The following HCN1 variants were observed in gnomAD, a reference collection of about 807,000 sequenced individuals.
The protein encoded by HCN1 is hyperpolarization activated cyclic nucleotide gated potassium channel 1, also known as potassium/sodium hyperpolarization-activated cyclic nucleotide-gated channel 1.
In HCN1, 13 loss-of-function variants were observed where a neutral mutation model predicts 78.9. The ratio of observed to expected loss-of-function variants is 0.16; its 90% CI spans 0.11 to 0.26. The LOEUF is 0.26. HCN1 is among the 10% of genes least tolerant of loss of function. The pLI, the probability that HCN1 is intolerant of heterozygous loss-of-function variation, is 1.00. For missense variants in HCN1, 810 were observed against 1,154.3 expected (o/e 0.70, Z 4.32); for synonymous variants, 552 against 455.5 (o/e 1.21, Z -2.70).
intron 7 of HCN1, among the ~76,000 whole-genome samples, chr5:45,265,146 C>A (rs1744832190): frequency 6.6e-6 from 1 of 151,298 alleles, no homozygotes; most frequent in Admixed American, 6.6e-5. Flanking sequence ...GCCGAGATCA[C>A]ACCACTGCAC....
chr5:45,527,399 G>T (rs1049388025), intron 2 of HCN1, among the ~76,000 whole-genome samples: 2 of 143,162 alleles, frequency 1.4e-5, no homozygotes, highest in Admixed American at 7.1e-5. Context: ...CCACACAGAG[G>T]TATGCTCCAT....
intron 3 of HCN1, among the ~76,000 whole-genome samples, chr5:45,423,392 C>CT (rs1740267493): frequency 1.3e-5 from 2 of 152,120 alleles, no homozygotes; most frequent in Admixed American, 6.6e-5. Flanking sequence ...GCTCCAGCCT[C>CT]TTTTCCTACC....
chr5:45,530,926 G>A (rs1742830717), intron 2 of HCN1, among the ~76,000 whole-genome samples: 1 of 152,070 alleles, frequency 6.6e-6, no homozygotes, highest in African/African-American at 2.4e-5. Context: ...GGGAAAAGAA[G>A]CAAGGATAGA....
intron 2 of HCN1, among the ~76,000 whole-genome samples, chr5:45,586,516 ACTGCACCCACTGTC>A (rs1744231413): frequency 1.3e-5 from 2 of 152,028 alleles, no homozygotes; most frequent in African/African-American, 4.8e-5. Context: ...CACTCGGTGC[ACTGCACCCACTGTC>A]CTGCACCCAC....
chr5:45,369,174 T>C (rs1245185658), intron 4 of HCN1, among the ~76,000 whole-genome samples: 2 of 152,080 alleles, frequency 1.3e-5, no homozygotes, highest in African/African-American at 4.8e-5. Context: ...ATTTTTTCTT[T>C]ATTTCTGAAT....
intron 3 of HCN1, among the ~76,000 whole-genome samples, chr5:45,434,920 A>T (rs1420982672): frequency 1.3e-5 from 2 of 152,090 alleles, no homozygotes; most frequent in Non-Finnish European, 2.9e-5. Context: ...GAGCCAATAG[A>T]TATTTAAAGA....
At chr5:45,534,789 A>G (rs140926242) in intron 2 of HCN1, among the ~76,000 whole-genome samples, 3 of 152,318 alleles carry the variant, frequency 2.0e-5, no homozygotes, top group Non-Finnish European at 4.4e-5. Context: ...TTCATTTGCT[A>G]AATAGCCAAG....
chr5:45,633,285 CATATTA>C (rs1241272804), intron 2 of HCN1, among the ~76,000 whole-genome samples: 2 of 151,694 alleles, frequency 1.3e-5, no homozygotes, highest in East Asian at 1.9e-4. Context: ...ATCTCAAAAG[CATATTA>C]ATATTATTTT....
intron 6 of HCN1, among the ~76,000 whole-genome samples, chr5:45,291,597 T>G (rs1305234917): frequency 6.6e-6 from 1 of 152,004 alleles, no homozygotes; most frequent in Non-Finnish European, 1.5e-5. Context: ...CAGGCTGGAG[T>G]GCAATGGTAC....
intron 1 of HCN1, among the ~76,000 whole-genome samples, chr5:45,659,534 G>A (rs1745872628): frequency 7.3e-6 from 1 of 136,968 alleles, no homozygotes; most frequent in Non-Finnish European, 1.5e-5. Context: ...CAAACCAAAG[G>A]CAAAGAAGTT....
intron 2 of HCN1, among the ~76,000 whole-genome samples, chr5:45,495,212 T>C (rs1741998434): frequency 9.7e-6 from 1 of 102,888 alleles, no homozygotes; most frequent in Non-Finnish European, 2.0e-5. Flanking sequence ...TTTCACGATA[T>C]TGATTCTTCC....
chr5:45,599,835 T>C (rs77621418), intron 2 of HCN1, among the ~76,000 whole-genome samples: 1 of 152,086 alleles, frequency 6.6e-6, no homozygotes, highest in Non-Finnish European at 1.5e-5. Flanking sequence ...GTTTTTTTTT[T>C]CCATCTTTTT....
At chr5:45,573,823 T>C (rs1390861446) in intron 2 of HCN1, among the ~76,000 whole-genome samples, 1 of 152,142 alleles carries the variant, frequency 6.6e-6, no homozygotes, top group Non-Finnish European at 1.5e-5. Context: ...AAAAAAAGTA[T>C]TTACATTATA....
At chr5:45,346,637 T>C (rs565782187) in intron 5 of HCN1, among the ~76,000 whole-genome samples, 3 of 152,290 alleles carry the variant, frequency 2.0e-5, no homozygotes, top group East Asian at 1.9e-4. Flanking sequence ...AGATGGCACC[T>C]GGAAAATCGG....
chr5:45,360,227 G>A (rs1029033876), intron 4 of HCN1, among the ~76,000 whole-genome samples: 1 of 151,484 alleles, frequency 6.6e-6, no homozygotes, highest in African/African-American at 2.4e-5. Context: ...GAATAAAAAA[G>A]TATAAATTTT....
intron 2 of HCN1, among the ~76,000 whole-genome samples, chr5:45,553,179 T>C (rs1743404212): frequency 6.6e-6 from 1 of 151,892 alleles, no homozygotes; most frequent in Non-Finnish European, 1.5e-5. Context: ...GATTAACTCC[T>C]ATCACAGGAA....
chr5:45,533,343 G>A (rs776334109), intron 2 of HCN1, among the ~76,000 whole-genome samples: 5 of 152,192 alleles, frequency 3.3e-5, no homozygotes, highest in Non-Finnish European at 5.9e-5. Flanking sequence ...TAGACTCCAA[G>A]TCAGTTCCTT....
At chr5:45,677,624 G>C (rs895927651) in intron 1 of HCN1, among the ~76,000 whole-genome samples, 1 of 151,698 alleles carries the variant, frequency 6.6e-6, no homozygotes, top group African/African-American at 2.4e-5. Context: ...GTTCTGTTTT[G>C]TTTATTTCTT....
At chr5:45,316,683 A>T (rs958365843) in intron 5 of HCN1, among the ~76,000 whole-genome samples, 5 of 152,184 alleles carry the variant, frequency 3.3e-5, no homozygotes, top group African/African-American at 9.7e-5. Context: ...TCAGCCCAAA[A>T]TCTTCTTAAG....
Sources: gnomAD v4.1 joint callset for allele counts (sites outside exome capture counted in the v4.1 genomes callset) on GRCh38, gnomAD v4.1.1 for gene constraint, MANE v1.5 for transcripts, NCBI Gene and HGNC (gene_info 2026-07-23, HGNC 2026-07-21) for gene names.